FHIP1B: variants seen among roughly 807,000 people sequenced by gnomAD.
FHIP1B encodes FHF complex subunit HOOK-interacting protein 1B.
A neutral mutation model predicts 82.2 loss-of-function variants in FHIP1B; 28 were observed. The ratio of observed to expected loss-of-function variants is 0.34; its 90% CI spans 0.25 to 0.47. The LOEUF is 0.47. Among genes scored for constraint, FHIP1B ranks in the 20% least tolerant of loss-of-function variants. The pLI is 1.00. For synonymous variants in FHIP1B, 585 were observed against 516.1 expected (o/e 1.13, Z -1.81); for missense variants, 1,110 against 1,262.6 (o/e 0.88, Z 1.83).
Position 6,222,693 on chromosome 11 carries a change from A to T in FHIP1B, c.1024-84T>A. On this transcript the variant is annotated intron_variant, in intron 5 of 11. Coordinates refer to ENST00000449352, the MANE Select transcript of FHIP1B (RefSeq NM_001098794.2). ...TTTTCCCTGGATTCTAAGAGAAATC[A>T]GGAGCAGACAGGGCAAAAGGGAGGA... 4 of 1,567,270 alleles carry T rather than the reference A, an allele frequency of 2.6e-6. No homozygotes were observed. The South Asian group carries it at 3.3e-5, about 13-fold the overall frequency.
At chr11:6,229,851 T>TA (rs1847652710) in intron 1 of FHIP1B, among the ~76,000 whole-genome samples, 1 of 151,482 alleles carries the variant, frequency 6.6e-6, no homozygotes, top group East Asian at 1.9e-4. Context: ...AACAAAAGCA[T>TA]AAAAGAAAGC....
Position 6,217,508 on chromosome 11 carries a change from T to A in FHIP1B, c.2078A>T (p.Glu693Val), listed in dbSNP as rs369189662. Residue 693 changes from glutamate (E) to valine (V), a missense_variant, in exon 9 of 12, where the codon GAG (glutamate) becomes GTG (valine). By Grantham distance (121) the Glu-to-Val change is moderately radical. This residue lies in a region of FHIP1B where 418 missense variants were observed against 371.4 expected (regional missense o/e 1.13). Transcript: ENST00000449352. ...VALSNGGTGS[E>V]SPLEPPLPLE... ...GGGCAGTGGAGGTTCTAAGGGGGACTCTGAGCCAGTTCCCCCATTGCTCAA... is the reference window on the plus strand; with the variant it reads ...GGGCAGTGGAGGTTCTAAGGGGGACACTGAGCCAGTTCCCCCATTGCTCAA... The A allele has an allele frequency of 1.9e-6, 3 of 1,612,176 alleles. No homozygotes were observed. In the African/African-American group the frequency reaches 4.0e-5, roughly 22 times the overall value.
At chr11:6,229,166 G>A (rs1564870733) in intron 1 of FHIP1B, among the ~76,000 whole-genome samples, 2 of 152,152 alleles carry the variant, frequency 1.3e-5, no homozygotes, top group Middle Eastern at 3.2e-3. Flanking sequence ...AATCAAACAA[G>A]AATAATACAG....
Position 6,224,133 on chromosome 11 carries a change from G to A in FHIP1B, c.254C>T (p.Ala85Val). The A allele has an allele frequency of 1.2e-6, 2 of 1,613,962 alleles. No individual in the cohort carries two copies. The highest frequency in any genetic ancestry group is 1.7e-6 in the Non-Finnish European group (2 of 1,180,004). Residue 85 changes from alanine to valine, a missense_variant, in exon 3 of 12, where the codon GCA (alanine) becomes GTA (valine). Physicochemically the swap from Ala to Val is moderately conservative, Grantham distance 64. This residue lies in a region of FHIP1B where 467 missense variants were observed against 602.9 expected (regional missense o/e 0.77). Transcript: ENST00000449352. Reference protein sequence around the residue: ...QMLTLLAEDRAVPSAPTGPGP... With the variant: ...QMLTLLAEDRVVPSAPTGPGP... ...AGGGCCTGTGGGGGCCGAGGGAACT[G>A]CACGGTCCTCTGCCAGCAGTGTCAA... is the stretch of plus-strand genomic sequence containing the variant.
At position 6,218,241 on chromosome 11, in the gene FHIP1B, G is replaced by A. The variant is rs1035900325; in HGVS notation, c.1436-91C>T. On this transcript the variant is annotated intron_variant, in intron 8 of 11. Coordinates refer to ENST00000449352, the MANE Select transcript of FHIP1B (RefSeq NM_001098794.2). ...TCGGGAGACTAAGAAAGAAGACAAT[G>A]GGGAGGCAGAAACATGGAATCTATT... 3 of 1,463,960 alleles carry A rather than the reference G, an allele frequency of 2.0e-6. No individual in the cohort carries two copies. The Admixed American group carries it at 7.9e-5, about 39-fold the overall frequency. The allele number at this position is 1,463,960 out of a possible 1,614,324, so 90.7% of individuals were successfully genotyped here.
In FHIP1B at chr11:6,223,061, G is replaced by C. The variant is rs536044857; in HGVS notation, c.936+19C>G. On this transcript the variant is annotated intron_variant, in intron 4 of 11. Coordinates refer to ENST00000449352, the MANE Select transcript of FHIP1B (RefSeq NM_001098794.2). This position sits in a 1 kb window ranked among gnomAD's most constrained non-coding sequence, Gnocchi z 4.8. Reference sequence around the variant, plus strand: ...CCTAATCTCCCAAAAATGACCAAGGGCCAGACTTTCAGTCCTACCTGAATT... The same window carrying C: ...CCTAATCTCCCAAAAATGACCAAGGCCCAGACTTTCAGTCCTACCTGAATT... The C allele has an allele frequency of 8.3e-6, 13 of 1,573,856 alleles. No individual in the cohort carries two copies. In the East Asian group the frequency reaches 1.8e-4, roughly 22 times the overall value.
intron 6 of FHIP1B, among the ~76,000 whole-genome samples, chr11:6,219,818 T>C (rs1341966667): frequency 5.3e-5 from 8 of 152,198 alleles, no homozygotes; most frequent in Non-Finnish European, 1.2e-4. Context: ...AGACAACGAA[T>C]GGGTCTTGGT....
rs1310080531 is a variant in FHIP1B, at chr11:6,223,796, G to A, written c.591C>T (p.Phe197=). 1.9e-6 allele frequency: 3 copies of A among 1,614,210 alleles called. No homozygotes were observed. Among genetic ancestry groups the A allele is most frequent in the South Asian group, 1.1e-5 (1 of 91,086 alleles). ...VAQEPSLLEF[F]LQPPPEPGAA... ...CTCCAGGCTCAGGAGGTGGCTGCAGGAAGAACTCGAGCAATGAAGGCTCCT... is the reference window on the plus strand; with the variant it reads ...CTCCAGGCTCAGGAGGTGGCTGCAGAAAGAACTCGAGCAATGAAGGCTCCT... Residue 197 remains phenylalanine (F), a synonymous_variant, in exon 3 of 12, where the codon TTC becomes TTT. Coordinates refer to ENST00000449352, the MANE Select transcript of FHIP1B (RefSeq NM_001098794.2). This position sits in a 1 kb window ranked among gnomAD's most constrained non-coding sequence, Gnocchi z 4.8.
intron 8 of FHIP1B, 194 bp downstream of exon 8, chr11:6,218,406 G>A (rs1847310430): frequency 1.1e-6 from 1 of 913,476 alleles, no homozygotes; most frequent in Non-Finnish European, 1.6e-6. Flanking sequence ...TTGCCCAGAA[G>A]TCCCACTCTA....
chr11:6,219,061 G>A lies in FHIP1B; in HGVS notation c.1192-11C>T, dbSNP rs1383664908. ...AGAGACCATGCAGAGCTGGGGGGGTGGAGGGGAGGGAGGGAGTCACCATAA... is the reference window on the plus strand; with the variant it reads ...AGAGACCATGCAGAGCTGGGGGGGTAGAGGGGAGGGAGGGAGTCACCATAA... On this transcript the variant is annotated splice_polypyrimidine_tract_variant and intron_variant, in intron 6 of 11. Transcript: ENST00000449352. 1 of 1,592,188 alleles carries A rather than the reference G, an allele frequency of 6.3e-7. No individual in the cohort carries two copies. The highest frequency in any genetic ancestry group is 8.6e-7 in the Non-Finnish European group (1 of 1,162,948).
intron 6 of FHIP1B, among the ~76,000 whole-genome samples, chr11:6,222,087 G>C (rs938127328): frequency 1.3e-5 from 2 of 152,156 alleles, no homozygotes; most frequent in African/African-American, 4.8e-5. Context: ...ACAACCTAAA[G>C]TGCTCTCAAG....
Position 6,211,487 on chromosome 11 carries a change from G to T in FHIP1B, c.*19C>A. On this transcript the variant is annotated 3_prime_UTR_variant, in exon 12 of 12. Transcript: ENST00000449352. The stretch of plus-strand genomic sequence containing the variant: ...CCCAGCCCGGGCCACCCATGGCCCT[G>T]ATTGTCCATGGAAGAAAGTTAAGGA... The T allele has an allele frequency of 1.9e-6, 3 of 1,555,716 alleles. No homozygotes were observed. Among genetic ancestry groups the T allele is most frequent in the Non-Finnish European group, 2.6e-6 (3 of 1,155,038 alleles).
At chr11:6,221,493 T>A (rs188145436) in intron 6 of FHIP1B, among the ~76,000 whole-genome samples, 56 of 152,302 alleles carry the variant, frequency 3.7e-4, no homozygotes, top group African/African-American at 1.3e-3. Context: ...TTTCTATTTG[T>A]TAATATCCAA....
intron 1 of FHIP1B, 81 bp from the exon 2 acceptor site, chr11:6,224,788 CCACA>C: frequency 2.1e-6 from 1 of 465,818 alleles, no homozygotes; most frequent in South Asian, 2.8e-5. Context: ...ACTGAAAACT[CCACA>C]CACCTATATA....
At chr11:6,214,965 T>C (rs1268325863) in intron 9 of FHIP1B, 54 bp from the exon 10 acceptor site, 10 of 1,439,962 alleles carry the variant, frequency 6.9e-6, no homozygotes, top group South Asian at 3.0e-5. Flanking sequence ...ACAATGCACA[T>C]CGCACGCATT....
chr11:6,214,415 G>T lies in FHIP1B; in HGVS notation c.2553C>A (p.Pro851=). The part of the protein sequence containing the change: ...AAGPAPRRSD[P]LVKSRRPSLG... ...GTGTGGTGGGATAGGCCTCACCTAG[G>T]GGATCAGAACGGCGTGGGGCAGGTC... The change falls in exon 11 of 12, where the codon CCC becomes CCA. Residue 851 remains proline, a synonymous_variant. Coordinates refer to ENST00000449352, the MANE Select transcript of FHIP1B (RefSeq NM_001098794.2). The T allele has an allele frequency of 6.2e-7, 1 of 1,608,088 alleles. No individual in the cohort carries two copies. Among genetic ancestry groups the T allele is most frequent in the South Asian group, 1.1e-5 (1 of 90,528 alleles).
chr11:6,229,520 C>A (rs558020443), intron 1 of FHIP1B, among the ~76,000 whole-genome samples: 18 of 152,300 alleles, frequency 1.2e-4, no homozygotes, highest in African/African-American at 4.1e-4. Flanking sequence ...ATACCTCAGT[C>A]AGCTGAAGAA....
intron 6 of FHIP1B, among the ~76,000 whole-genome samples, chr11:6,221,272 TAG>T (rs1222726734): frequency 2.0e-5 from 3 of 152,144 alleles, no homozygotes; most frequent in Non-Finnish European, 4.4e-5. Flanking sequence ...TCTCATTATC[TAG>T]AAGTTTTCCA....
In FHIP1B at chr11:6,224,095, C is replaced by G. The variant is rs1847495203; in HGVS notation, c.292G>C (p.Glu98Gln). The change falls in exon 3 of 12, where the codon GAG becomes CAG. Residue 98 changes from glutamate (E) to glutamine (Q), a missense_variant. Around this residue, in one of 6 missense-constraint regions of FHIP1B, gnomAD observed 467 missense variants for 602.9 expected, o/e 0.77. Coordinates refer to ENST00000449352, the MANE Select transcript of FHIP1B (RefSeq NM_001098794.2). ...SAPTGPGPLL[E>Q]FALHEDLLTR... is the part of the protein sequence containing the mutation. ...AGCAGATCCTCGTGCAGAGCAAACT[C>G]CAGCAGGGGCCCAGGGCCTGTGGGG... 6.2e-7 allele frequency: 1 copy of G among 1,613,968 alleles called. No individual in the cohort carries two copies. Among genetic ancestry groups the G allele is most frequent in the East Asian group, 2.2e-5 (1 of 44,884 alleles).
Sources: gnomAD v4.1 joint callset for allele counts (sites outside exome capture counted in the v4.1 genomes callset) on GRCh38, gnomAD v4.1.1 for gene constraint, gnomAD v4.1.1 regional missense constraint, Gnocchi (gnomAD v3.1) non-coding constraint, MANE v1.5 for transcripts, NCBI Gene and HGNC (gene_info 2026-07-23, HGNC 2026-07-21) for gene names.